LIPC: variants seen among roughly 807,000 people sequenced by gnomAD.
LIPC encodes lipase C, hepatic type.
Under a neutral mutation model 50.7 loss-of-function variants are expected in LIPC, and 44 were observed. That is an observed-to-expected ratio of 0.87 (90% CI 0.68 to 1.11). The LOEUF (loss-of-function observed/expected upper bound fraction) is 1.11, where lower values mean the gene tolerates loss of function less well. Ranked by LOEUF, LIPC falls within the 50% of genes most tolerant of loss-of-function variation. The probability of loss-of-function intolerance (pLI) is 0.00; values close to 1 mark genes in which losing one functional copy is unlikely to be tolerated. For missense variants in LIPC, 697 were observed against 648.2 expected, an observed-to-expected ratio of 1.08 and a Z score of -0.82; for synonymous variants, 271 against 256.4, an observed-to-expected ratio of 1.06 and a Z score of -0.54.
chr15:58,457,928 A>G (rs1366524447), intron 1 of LIPC, among the ~76,000 whole-genome samples: 1 of 152,134 alleles, frequency 6.6e-6, no homozygotes, highest in East Asian at 1.9e-4. Flanking sequence ...GTCTGTGTAC[A>G]TGCCGTGTGG....
chr15:58,513,095 A>T (rs1221330131), intron 1 of LIPC, among the ~76,000 whole-genome samples: 1 of 152,190 alleles, frequency 6.6e-6, no homozygotes. Flanking sequence ...GCCACTGAAG[A>T]AGTCAATTAC....
At chr15:58,455,905 G>A (rs1429848181) in intron 1 of LIPC, among the ~76,000 whole-genome samples, 4 of 152,094 alleles carry the variant, frequency 2.6e-5, no homozygotes, top group Non-Finnish European at 4.4e-5. Flanking sequence ...TGCCTGAGGG[G>A]TGTCTACATA....
intron 8 of LIPC, among the ~76,000 whole-genome samples, chr15:58,564,855 T>C (rs1277459520): frequency 2.0e-5 from 3 of 152,092 alleles, no homozygotes; most frequent in Admixed American, 6.5e-5. Flanking sequence ...TCATCCGTGG[T>C]TCTCCACGGC....
intron 1 of LIPC, among the ~76,000 whole-genome samples, chr15:58,447,354 G>A (rs1893733169): frequency 6.6e-6 from 1 of 152,028 alleles, no homozygotes; most frequent in South Asian, 2.1e-4. Context: ...ATCTGTGACA[G>A]GACCATCGAC....
chr15:58,519,671 G>T (rs1307198565), intron 1 of LIPC, among the ~76,000 whole-genome samples: 3 of 152,176 alleles, frequency 2.0e-5, no homozygotes, highest in African/African-American at 7.2e-5. Flanking sequence ...TTCATCAATA[G>T]ACTGAATATT....
intron 1 of LIPC, among the ~76,000 whole-genome samples, chr15:58,528,041 G>A (rs1047764773): frequency 2.0e-5 from 3 of 151,782 alleles, no homozygotes; most frequent in South Asian, 4.2e-4. Flanking sequence ...TCGGGAGGCC[G>A]AGGCAGGAGA....
At chr15:58,449,265 T>C (rs1175301157) in intron 1 of LIPC, among the ~76,000 whole-genome samples, 1 of 152,146 alleles carries the variant, frequency 6.6e-6, no homozygotes, top group African/African-American at 2.4e-5. Context: ...CAGCCATCGA[T>C]TAGGACTAAA....
At position 58,568,756 on chromosome 15, in the gene LIPC, C is replaced by T. The variant is rs147787771; in HGVS notation, c.1429C>T (p.Arg477Cys). 43 of 1,611,332 alleles carry T rather than the reference C, an allele frequency of 2.7e-5. No homozygotes were observed. The highest frequency in any genetic ancestry group is 2.3e-4 in the African/African-American group (17 of 74,864). ...CSENTDDLLL[R>C]PTQEKIFVKC... ...AGAAAACACAGATGACCTACTACTT[C>T]GCCCAACCCAGGAAAAAATCTTCGT... Residue 477 changes from arginine to cysteine, a missense_variant, in exon 9 of 9, where the codon CGC becomes TGC. Physicochemically the swap from Arg to Cys is radical, Grantham distance 180 (BLOSUM62 -3). Transcript: ENST00000299022.
chr15:58,432,019 G>C lies in LIPC; in HGVS notation c.-14G>C. The C allele has an allele frequency of 2.5e-6, 4 of 1,603,636 alleles. No individual in the cohort carries two copies. Among genetic ancestry groups the C allele is most frequent in the Non-Finnish European group, 3.4e-6 (4 of 1,170,600 alleles). On this transcript the variant is annotated 5_prime_UTR_variant, in exon 1 of 9. Coordinates refer to ENST00000299022, the MANE Select transcript of LIPC (RefSeq NM_000236.3). ...AATTACCAAGAAAGCCTGGACCCCGGGTGAAACGGAGAAATGGACACAAGT... is the reference window on the plus strand; with the variant it reads ...AATTACCAAGAAAGCCTGGACCCCGCGTGAAACGGAGAAATGGACACAAGT...
chr15:58,537,067 G>C (rs569571617), intron 1 of LIPC, among the ~76,000 whole-genome samples: 1 of 152,346 alleles, frequency 6.6e-6, no homozygotes, highest in East Asian at 1.9e-4. Flanking sequence ...CCTTGTGTCT[G>C]CTCCTCAGCC....
chr15:58,502,870 C>G (rs551515314), intron 1 of LIPC, among the ~76,000 whole-genome samples: 1 of 149,864 alleles, frequency 6.7e-6, no homozygotes, highest in East Asian at 2.0e-4. Flanking sequence ...ATGAAGAGGA[C>G]ATGGTTATCA....
chr15:58,538,279 G>A, intron 1 of LIPC, 54 bp from the exon 2 acceptor site: 1 of 1,553,316 alleles, frequency 6.4e-7, no homozygotes, highest in Non-Finnish European at 8.9e-7. Context: ...AAGACGGAGG[G>A]CTTCAGATGA....
chr15:58,505,070 G>C (rs141405670), intron 1 of LIPC, among the ~76,000 whole-genome samples: 5 of 152,256 alleles, frequency 3.3e-5, no homozygotes, highest in African/African-American at 1.2e-4. Context: ...ATTCCCTTAT[G>C]CTAGACAGCA....
chr15:58,473,114 T>G (rs1890868715), intron 1 of LIPC, among the ~76,000 whole-genome samples: 1 of 152,134 alleles, frequency 6.6e-6, no homozygotes, highest in South Asian at 2.1e-4. Flanking sequence ...TGGGACCTCA[T>G]GCCTCAACCA....
intron 1 of LIPC, among the ~76,000 whole-genome samples, chr15:58,509,598 T>C (rs1183400161): frequency 6.6e-6 from 1 of 151,176 alleles, no homozygotes; most frequent in Non-Finnish European, 1.5e-5. Context: ...AAACACAATC[T>C]TTATTCTTTT....
intron 4 of LIPC, 147 bp from the exon 5 acceptor site, chr15:58,545,595 G>A (rs149947390): frequency 4.9e-4 from 329 of 673,510 alleles, no homozygotes; most frequent in Middle Eastern, 2.4e-3. Flanking sequence ...AAAAGGTTAC[G>A]GCGAGGTTTT....
chr15:58,432,732 G>A (rs1893167789), intron 1 of LIPC, among the ~76,000 whole-genome samples: 1 of 152,208 alleles, frequency 6.6e-6, no homozygotes, highest in African/African-American at 2.4e-5. Context: ...GCCTTATCAG[G>A]AAGGTAGTAG....
At chr15:58,437,876 T>TG (rs1208445390) in intron 1 of LIPC, among the ~76,000 whole-genome samples, 2 of 152,170 alleles carry the variant, frequency 1.3e-5, no homozygotes, top group Admixed American at 1.3e-4. Flanking sequence ...CTCCCATCCA[T>TG]GGCCATCCTT....
At chr15:58,494,896 A>C (rs191103987) in intron 1 of LIPC, 200 of 456,042 alleles carry the variant, frequency 4.4e-4, no homozygotes, top group African/African-American at 3.8e-3. Context: ...GTTTTGATTG[A>C]CAATACAAAA....
Sources: gnomAD v4.1 joint callset for allele counts (sites outside exome capture counted in the v4.1 genomes callset) on GRCh38, gnomAD v4.1.1 for gene constraint, MANE v1.5 for transcripts, NCBI Gene and HGNC (gene_info 2026-07-23, HGNC 2026-07-21) for gene names.